The following MIDN variants were observed in gnomAD, a reference collection of about 807,000 sequenced individuals.
MIDN encodes midbrain nucleolar protein.
MIDN carries 26 observed loss-of-function variants against 46.1 expected under a neutral mutation model. The observed-to-expected ratio is 0.56, with a 90% CI of 0.41 to 0.78. The LOEUF is 0.78. Among genes scored for constraint, MIDN ranks in the 30% least tolerant of loss-of-function variants. The probability of loss-of-function intolerance (pLI) is 0.00; values close to 1 mark genes in which losing one functional copy is unlikely to be tolerated. For missense variants in MIDN, 850 were observed against 771.8 expected, an observed-to-expected ratio of 1.10 and a Z score of -1.20; for synonymous variants, 432 against 343.3, an observed-to-expected ratio of 1.26 and a Z score of -2.86.
At chr19:1,253,669 T>C (rs1203085350) in intron 4 of MIDN, 1 of 180,694 alleles carries the variant, frequency 5.5e-6, no homozygotes, top group Non-Finnish European at 1.2e-5. Flanking sequence ...ATATTTATCT[T>C]GAGAAAGCAA....
chr19:1,249,854 A>G (rs962371970), intron 1 of MIDN, 36 bp from the exon 2 acceptor site: 2 of 151,796 alleles, frequency 1.3e-5, no homozygotes, highest in East Asian at 2.0e-4. Flanking sequence ...ACGTTGATAC[A>G]TTATAACTTT....
At chr19:1,253,839 G>A (rs1016396917) in intron 4 of MIDN, 115 bp from the exon 5 acceptor site, 12 of 825,826 alleles carry the variant, frequency 1.5e-5, no homozygotes, top group Admixed American at 4.4e-5. Context: ...GGTTGTTTGA[G>A]GTCAGTGACT....
chr19:1,253,238 G>A (rs953310358), intron 4 of MIDN, among the ~76,000 whole-genome samples: 1 of 151,750 alleles, frequency 6.6e-6, no homozygotes, highest in East Asian at 1.9e-4. Flanking sequence ...GTAGGGGGCC[G>A]GGCAGGCTGG....
rs1313914947 is a variant in MIDN at position 1,255,626 on chromosome 19, A to T, written c.1190A>T (p.Lys397Met). The change falls in exon 8 of 9, where the codon AAG (lysine) becomes ATG (methionine). Residue 397 changes from lysine (K) to methionine (M), a missense_variant. Coordinates refer to ENST00000682408, the MANE Select transcript of MIDN (RefSeq NM_001388306.1). ...DLAPRTTSCE[K>M]LTAAPSASLL... Reference sequence around the variant, plus strand: ...GCCCCCAGAACTACCTCCTGCGAGAAGCTCACGGCTGCCCCCTCAGCCTCC... The same window carrying T: ...GCCCCCAGAACTACCTCCTGCGAGATGCTCACGGCTGCCCCCTCAGCCTCC... The T allele has an allele frequency of 1.9e-6, 3 of 1,607,130 alleles. No homozygotes were observed.
At chr19:1,252,515 C>T (rs1462944912) in intron 4 of MIDN, among the ~76,000 whole-genome samples, 2 of 151,956 alleles carry the variant, frequency 1.3e-5, no homozygotes, top group East Asian at 3.9e-4. Flanking sequence ...CTGGGGCTGG[C>T]CCTCACCCGG....
intron 1 of MIDN, among the ~76,000 whole-genome samples, chr19:1,249,218 C>T (rs1438031860): frequency 6.8e-6 from 1 of 148,138 alleles, no homozygotes; most frequent in Non-Finnish European, 1.5e-5. Context: ...CGCGCGGGGC[C>T]CCCGGCGGCA....
chr19:1,255,121 T>A, intron 7 of MIDN, 60 bp downstream of exon 7: 1 of 1,561,980 alleles, frequency 6.4e-7, no homozygotes, highest in Non-Finnish European at 8.7e-7. Flanking sequence ...GCATTTGGGG[T>A]CTACATCCAC....
rs781569306 is a variant in MIDN at position 1,254,437 on chromosome 19, G to C, written c.784G>C (p.Gly262Arg). The stretch of plus-strand genomic sequence containing the variant: ...TGCATCTCCCTCGCCCATCACAGCC[G>C]GCTCCTTCCGGTCCCACGCAGCCTC... ...SPASPSPITA[G>R]SFRSHAASTT... The change falls in exon 6 of 9, where the codon GGC becomes CGC. Residue 262 changes from glycine to arginine, a missense_variant. Coordinates refer to ENST00000682408, the MANE Select transcript of MIDN (RefSeq NM_001388306.1). 4 of 1,564,892 alleles carry C rather than the reference G, an allele frequency of 2.6e-6. No individual in the cohort carries two copies. The African/African-American group carries it at 4.0e-5, about 16-fold the overall frequency.
intron 3 of MIDN, 42 bp from the exon 4 acceptor site, chr19:1,251,797 T>G: frequency 4.4e-6 from 7 of 1,597,582 alleles, no homozygotes; most frequent in Non-Finnish European, 5.1e-6. Flanking sequence ...AGCCCAGGAT[T>G]CCGACCCCAC....
chr19:1,256,462 A>G (rs540754372), intron 8 of MIDN, among the ~76,000 whole-genome samples: 1 of 150,074 alleles, frequency 6.7e-6, no homozygotes, highest in South Asian at 2.1e-4. Context: ...AGCCTGGGCG[A>G]CAGAGCGAGA....
rs760344668 is a variant in MIDN at position 1,254,945 on chromosome 19, G to C, written c.869G>C (p.Gly290Ala). 7 of 1,612,136 alleles carry C rather than the reference G, an allele frequency of 4.3e-6. No homozygotes were observed. The highest frequency in any genetic ancestry group is 5.1e-6 in the Non-Finnish European group (6 of 1,179,650). ...SPTASSSASPGASTTSTPGAS... is the reference protein window; with the variant it reads ...SPTASSSASPAASTTSTPGAS... Reference sequence around the variant, plus strand: ...ACGGCCAGCAGCAGTGCCAGTCCTGGTGCCAGCACCACGTCTACCCCAGGG... The same window carrying C: ...ACGGCCAGCAGCAGTGCCAGTCCTGCTGCCAGCACCACGTCTACCCCAGGG... Residue 290 changes from glycine to alanine, a missense_variant, in exon 7 of 9, where the codon GGT becomes GCT. Transcript: ENST00000682408.
chr19:1,248,856 GC>G (rs1052120947), intron 1 of MIDN, among the ~76,000 whole-genome samples, 196 bp downstream of exon 1: 80 of 151,946 alleles, frequency 5.3e-4, no homozygotes, highest in African/African-American at 1.8e-3. Context: ...CCCCCGCCCC[GC>G]CCCCCGGGGC....
rs969368460 is a variant in MIDN at position 1,248,642 on chromosome 19, G to C, written c.-426G>C. The C allele has an allele frequency of 3.3e-5, 5 of 152,486 alleles. No individual in the cohort carries two copies. Among genetic ancestry groups the C allele is most frequent in the African/African-American group, 1.2e-4 (5 of 41,458 alleles). 9.4% of individuals were successfully genotyped at this position (152,486 alleles called of 1,614,324 possible). A position where few individuals can be genotyped will look rare whatever the true frequency, so the allele number is the denominator to read the frequency against. Reference sequence around the variant, plus strand: ...CGAAGGTACTCGCAGCACTTGGAGCGCAGAACCGGCCGCGCCCGGTGAGTG... The same window carrying C: ...CGAAGGTACTCGCAGCACTTGGAGCCCAGAACCGGCCGCGCCCGGTGAGTG... On this transcript the variant is annotated 5_prime_UTR_variant, in exon 1 of 9. Coordinates refer to ENST00000682408, the MANE Select transcript of MIDN (RefSeq NM_001388306.1).
chr19:1,253,200 C>T (rs1436583010), intron 4 of MIDN, among the ~76,000 whole-genome samples: 1 of 151,900 alleles, frequency 6.6e-6, no homozygotes, highest in Non-Finnish European at 1.5e-5. Context: ...CCGGGCCCTT[C>T]CTGCAAAGGC....
intron 7 of MIDN, 37 bp downstream of exon 7, chr19:1,255,098 C>T (rs1020261880): frequency 3.1e-6 from 5 of 1,589,720 alleles, no homozygotes; most frequent in South Asian, 1.1e-5. Flanking sequence ...TCACGTGTGT[C>T]CCGTGACCCT....
At position 1,254,630 on chromosome 19, in the gene MIDN, C is replaced by T. The variant is rs886972672; in HGVS notation, c.825+152C>T. ...GACCTCGGGCTGGTGGGTGATCCCCCAGCCTAGATTGGTGGGGTATTTCTA... is the reference window on the plus strand; with the variant it reads ...GACCTCGGGCTGGTGGGTGATCCCCTAGCCTAGATTGGTGGGGTATTTCTA... On this transcript the variant is annotated intron_variant, in intron 6 of 8. Transcript: ENST00000682408. 4.5e-6 allele frequency: 4 copies of T among 890,916 alleles called. No individual in the cohort carries two copies. In the African/African-American group the frequency reaches 5.1e-5, roughly 11 times the overall value. The allele number at this position is 890,916 out of a possible 1,614,324, so 55.2% of individuals were successfully genotyped here. A position where few individuals can be genotyped will look rare whatever the true frequency, so the allele number is the denominator to read the frequency against.
At chr19:1,251,037 CCAGTGGAGGGGCCCAT>C (rs2081120378) in intron 2 of MIDN, among the ~76,000 whole-genome samples, 1 of 151,986 alleles carries the variant, frequency 6.6e-6, no homozygotes, top group South Asian at 2.1e-4. Flanking sequence ...AGTGTCCATC[CCAGTGGAGGGGCCCAT>C]CGGGGGAGGG....
chr19:1,257,371 G>T lies in MIDN; in HGVS notation c.*99G>T. On this transcript the variant is annotated 3_prime_UTR_variant, in exon 9 of 9. Coordinates refer to ENST00000682408, the MANE Select transcript of MIDN (RefSeq NM_001388306.1). The stretch of plus-strand genomic sequence containing the variant: ...AACGTGGCCCAGCCCTGGAGGGCAG[G>T]CGGCCACTCCCCCAGCCAGAAGTCT... 2.2e-6 allele frequency: 2 copies of T among 906,082 alleles called. No individual in the cohort carries two copies. The highest frequency in any genetic ancestry group is 3.0e-5 in the South Asian group (2 of 67,188). 56.1% of individuals were successfully genotyped at this position (906,082 alleles called of 1,614,324 possible). A position where few individuals can be genotyped will look rare whatever the true frequency, so the allele number is the denominator to read the frequency against.
At chr19:1,251,810 T>G in intron 3 of MIDN, 29 bp from the exon 4 acceptor site, 1 of 1,603,812 alleles carries the variant, frequency 6.2e-7, no homozygotes, top group Non-Finnish European at 8.5e-7. Context: ...GACCCCACAC[T>G]CAGGCCCCTC....
Sources: gnomAD v4.1 joint callset for allele counts (sites outside exome capture counted in the v4.1 genomes callset) on GRCh38, gnomAD v4.1.1 for gene constraint, MANE v1.5 for transcripts, NCBI Gene and HGNC (gene_info 2026-07-23, HGNC 2026-07-21) for gene names.